The following RABL3 variants were observed in gnomAD, a reference collection of about 807,000 sequenced individuals.
The protein encoded by RABL3 is rab-like protein 3.
Under a neutral mutation model 31.8 loss-of-function variants are expected in RABL3, and 31 were observed. The ratio of observed to expected loss-of-function variants is 0.97; its 90% CI spans 0.73 to 1.31. RABL3 has a LOEUF of 1.31. Among genes scored for constraint, RABL3 ranks in the 40% most tolerant of loss-of-function variants. The probability of loss-of-function intolerance (pLI) is 0.00; values close to 1 mark genes in which losing one functional copy is unlikely to be tolerated. For missense variants in RABL3, 263 were observed against 279.6 expected (o/e 0.94, Z 0.42); for synonymous variants, 97 against 99.9 (o/e 0.97, Z 0.18).
At position 120,742,477 on chromosome 3, in the gene RABL3, C is replaced by T; in HGVS notation, c.31G>A (p.Val11Met). 6.2e-7 allele frequency: 1 copy of T among 1,614,210 alleles called. No individual in the cohort carries two copies. Among genetic ancestry groups the T allele is most frequent in the East Asian group, 2.2e-5 (1 of 44,880 alleles). Residue 11 changes from valine to methionine, a missense_variant, in exon 1 of 8, where the codon GTG (valine) becomes ATG (methionine). Physicochemically the swap from Val to Met is conservative, Grantham distance 21. Transcript: ENST00000273375. MASLDRVKVL[V>M]LGDSGVGKSS... Reference sequence around the variant, plus strand: ...AGCCGCTCACCTGAGTCTCCCAACACCAGTACCTTCACCCGATCCAGGGAC... The same window carrying T: ...AGCCGCTCACCTGAGTCTCCCAACATCAGTACCTTCACCCGATCCAGGGAC...
intron 3 of RABL3, among the ~76,000 whole-genome samples, chr3:120,706,339 G>A (rs1227253817): frequency 6.6e-6 from 1 of 151,906 alleles, no homozygotes; most frequent in Non-Finnish European, 1.5e-5. Flanking sequence ...TTTTACAAGG[G>A]CTGACGAAAT....
intron 5 of RABL3, among the ~76,000 whole-genome samples, chr3:120,695,343 G>T (rs1270349493): frequency 6.6e-6 from 1 of 152,036 alleles, no homozygotes; most frequent in African/African-American, 2.4e-5. Flanking sequence ...GAAATTAGGG[G>T]TCTTCAAAGC....
intron 5 of RABL3, among the ~76,000 whole-genome samples, chr3:120,695,974 T>C (rs919575614): frequency 3.3e-5 from 5 of 152,214 alleles, no homozygotes; most frequent in African/African-American, 1.2e-4. Context: ...CTGCCATTTA[T>C]CATGGCTGAG....
chr3:120,737,760 A>T (rs1469642580), intron 1 of RABL3, among the ~76,000 whole-genome samples: 1 of 152,206 alleles, frequency 6.6e-6, no homozygotes, highest in Non-Finnish European at 1.5e-5. Flanking sequence ...CCTCAGCTGC[A>T]GGTCTGTTGG....
At chr3:120,699,137 G>C (rs1250295809) in intron 4 of RABL3, among the ~76,000 whole-genome samples, 2 of 152,008 alleles carry the variant, frequency 1.3e-5, no homozygotes, top group African/African-American at 4.8e-5. Context: ...AAATAGGGAA[G>C]CTGAAGCCTA....
intron 2 of RABL3, among the ~76,000 whole-genome samples, chr3:120,715,248 C>T (rs1440710662): frequency 6.6e-6 from 1 of 152,164 alleles, no homozygotes; most frequent in Non-Finnish European, 1.5e-5. Flanking sequence ...CATAGAAATG[C>T]CCAATACAGG....
At position 120,724,743 on chromosome 3, in the gene RABL3, C is replaced by G. The variant is rs187014109; in HGVS notation, c.138+5953G>C. Among the ~76,000 whole-genome samples the G allele has an allele frequency of 1.4e-3, 209 of 152,182 alleles. 1 individual carries two copies. The highest frequency in any genetic ancestry group is 5.6e-3 in the Admixed American group (85 of 15,286). On this transcript the variant is annotated intron_variant, in intron 2 of 7. Transcript: ENST00000273375. ...AAATGGTGCTGGGAAAACTGGCTAG[C>G]CATATTTAGAAAGCTGAAACTGGAT... is the stretch of plus-strand genomic sequence containing the variant.
At chr3:120,719,924 G>A (rs1708716974) in intron 2 of RABL3, among the ~76,000 whole-genome samples, 1 of 152,204 alleles carries the variant, frequency 6.6e-6, no homozygotes, top group South Asian at 2.1e-4. Context: ...GCCTAACTGA[G>A]AGACACCCCC....
chr3:120,704,210 C>G (rs1326575582), intron 4 of RABL3, among the ~76,000 whole-genome samples: 1 of 152,114 alleles, frequency 6.6e-6, no homozygotes, highest in Non-Finnish European at 1.5e-5. Context: ...ACACCATGAC[C>G]AAGGAATGGA....
chr3:120,709,711 G>T, intron 3 of RABL3, 69 bp downstream of exon 3: 1 of 1,162,156 alleles, frequency 8.6e-7, no homozygotes, highest in Non-Finnish European at 1.2e-6. Flanking sequence ...GGCATGCTAT[G>T]GCATTACATA....
intron 6 of RABL3, among the ~76,000 whole-genome samples, 154 bp downstream of exon 6, chr3:120,693,999 A>G (rs1284021000): frequency 6.6e-6 from 1 of 152,220 alleles, no homozygotes; most frequent in Non-Finnish European, 1.5e-5. Flanking sequence ...GGCCTTGGGC[A>G]ATTATACCAA....
chr3:120,691,941 C>A (rs143581696), intron 6 of RABL3, among the ~76,000 whole-genome samples: 2,208 of 152,326 alleles, frequency 0.014, 19 homozygotes, highest in Non-Finnish European at 0.025. Flanking sequence ...CAGATTCTTG[C>A]TGTCTTGGAG....
rs1416563540 is a variant in RABL3, at chr3:120,689,863, C to A, written c.671G>T (p.Arg224Ile). 3 of 1,613,106 alleles carry A rather than the reference C, an allele frequency of 1.9e-6. No homozygotes were observed. The highest frequency in any genetic ancestry group is 1.7e-5 in the Admixed American group (1 of 59,988). The change falls in exon 8 of 8, where the codon AGA (arginine) becomes ATA (isoleucine). Residue 224 changes from arginine to isoleucine, a missense_variant. Physicochemically the swap from Arg to Ile is moderately conservative, Grantham distance 97. Coordinates refer to ENST00000273375, the MANE Select transcript of RABL3 (RefSeq NM_173825.5). ...NQIPGFPDRK[R>I]FGAGTLKSLH... Reference sequence around the variant, plus strand: ...GCTCTTTAATGTTCCTGCCCCAAATCTTTTCCGATCAGGAAAGCCTGGAAT... The same window carrying A: ...GCTCTTTAATGTTCCTGCCCCAAATATTTTCCGATCAGGAAAGCCTGGAAT...
Position 120,723,722 on chromosome 3 carries a change from G to GA in RABL3, c.138+6973dup, listed in dbSNP as rs568053926. On this transcript the variant is annotated intron_variant, in intron 2 of 7. Transcript: ENST00000273375. ...TCACATGATTATGTCAATAGATGCA[G>GA]AAAAAACCTTTGACAAAATTCAACA... Among the ~76,000 whole-genome samples, 27 of 152,280 alleles carry GA rather than the reference G, an allele frequency of 1.8e-4. 2 individuals are homozygous for GA. The South Asian group carries it at 5.2e-3, about 29-fold the overall frequency.
intron 3 of RABL3, among the ~76,000 whole-genome samples, chr3:120,707,557 G>GT (rs1411519324): frequency 6.6e-6 from 1 of 152,038 alleles, no homozygotes; most frequent in Non-Finnish European, 1.5e-5. Flanking sequence ...TGGGCACATG[G>GT]TAAGTCAGAA....
At chr3:120,740,512 T>A (rs984077106) in intron 1 of RABL3, among the ~76,000 whole-genome samples, 1 of 152,190 alleles carries the variant, frequency 6.6e-6, no homozygotes, top group African/African-American at 2.4e-5. Flanking sequence ...TCCACCCGCC[T>A]CAACCTCCCA....
chr3:120,688,271 GCAA>G lies in RABL3; in HGVS notation c.*1549_*1551del, dbSNP rs1708337855. 1 of 152,596 alleles carries G rather than the reference GCAA, an allele frequency of 6.6e-6. No homozygotes were observed. The highest frequency in any genetic ancestry group is 2.4e-5 in the African/African-American group (1 of 41,430). 9.5% of individuals were successfully genotyped at this position (152,596 alleles called of 1,614,324 possible). On this transcript the variant is annotated 3_prime_UTR_variant, in exon 8 of 8. Transcript: ENST00000273375. ...TCTACTTCCCAACTGTACAGCCTAT[GCAA>G]CAACATACTTGTGACCAATTCTACA...
At chr3:120,721,061 C>T (rs1439339852) in intron 2 of RABL3, among the ~76,000 whole-genome samples, 1 of 152,164 alleles carries the variant, frequency 6.6e-6, no homozygotes, top group Admixed American at 6.5e-5. Flanking sequence ...ATTTTCAACC[C>T]AGAATTTCAT....
chr3:120,720,075 G>C (rs1708719697), intron 2 of RABL3, among the ~76,000 whole-genome samples: 1 of 152,274 alleles, frequency 6.6e-6, no homozygotes, highest in East Asian at 1.9e-4. Flanking sequence ...AGGCAAACAG[G>C]GTCTGGAGCG....
Sources: allele counts gnomAD v4.1 joint callset (sites outside exome capture counted in the v4.1 genomes callset), GRCh38; gene constraint gnomAD v4.1.1; transcripts MANE v1.5; gene names NCBI Gene and HGNC (gene_info 2026-07-23, HGNC 2026-07-21).